FRYL: variants seen among roughly 807,000 people sequenced by gnomAD.
The protein encoded by FRYL is FRY like transcription coactivator, also known as protein furry homolog-like.
FRYL carries 150 observed loss-of-function variants against 351.2 expected under a neutral mutation model. The observed-to-expected ratio is 0.43, with a 90% CI of 0.37 to 0.49. The LOEUF (loss-of-function observed/expected upper bound fraction) is 0.49, where lower values mean the gene tolerates loss of function less well. Ranked by LOEUF, FRYL falls within the 20% of genes least tolerant of loss-of-function variation. The pLI is 0.00. For synonymous variants in FRYL, 1,153 were observed against 1,257.1 expected (o/e 0.92, Z 1.75); for missense variants, 3,036 against 3,619.3 (o/e 0.84, Z 4.13).
chr4:48,726,683 AAAACAAACAAAC>A (rs536966578), intron 1 of FRYL, among the ~76,000 whole-genome samples: 3 of 152,132 alleles, frequency 2.0e-5, no homozygotes, highest in African/African-American at 4.8e-5. Flanking sequence ...CTCCATCTCC[AAAACAAACAAAC>A]AAACAAACAA....
At chr4:48,646,895 G>C (rs780787017) in intron 3 of FRYL, among the ~76,000 whole-genome samples, 40 of 152,106 alleles carry the variant, frequency 2.6e-4, no homozygotes, top group Admixed American at 1.2e-3. Context: ...GGAGGTCCAG[G>C]AGAACAGCAG....
At chr4:48,705,814 T>A (rs1767277546) in intron 2 of FRYL, among the ~76,000 whole-genome samples, 1 of 152,088 alleles carries the variant, frequency 6.6e-6, no homozygotes, top group African/African-American at 2.4e-5. Context: ...TTCCTGGTAT[T>A]CACACCCTTA....
At chr4:48,592,771 T>C (rs907448431) in intron 16 of FRYL, among the ~76,000 whole-genome samples, 6 of 152,124 alleles carry the variant, frequency 3.9e-5, no homozygotes, top group African/African-American at 1.4e-4. Flanking sequence ...AACAATCATG[T>C]TTGCCCACTT....
At chr4:48,617,707 G>A (rs775907782) in intron 7 of FRYL, 12 of 152,272 alleles carry the variant, frequency 7.9e-5, no homozygotes, top group Non-Finnish European at 1.3e-4. Flanking sequence ...GGAAGAGATG[G>A]GAAAAATGCC....
At chr4:48,601,299 A>G (rs2149249096) in intron 13 of FRYL, among the ~76,000 whole-genome samples, 1 of 152,332 alleles carries the variant, frequency 6.6e-6, no homozygotes, top group Middle Eastern at 3.4e-3. Flanking sequence ...TCATCTAAGT[A>G]TATATCAAAA....
intron 1 of FRYL, among the ~76,000 whole-genome samples, chr4:48,770,307 A>AT (rs952322235): frequency 3.3e-5 from 5 of 152,168 alleles, no homozygotes; most frequent in African/African-American, 1.2e-4. Flanking sequence ...ATTCAATCAC[A>AT]TTTTTCTTAT....
intron 1 of FRYL, among the ~76,000 whole-genome samples, chr4:48,778,033 C>A (rs1776211090): frequency 6.6e-6 from 1 of 152,074 alleles, no homozygotes; most frequent in Admixed American, 6.5e-5. Flanking sequence ...ACCATCTCTA[C>A]AAAAAATAAA....
intron 6 of FRYL, among the ~76,000 whole-genome samples, chr4:48,619,952 T>A (rs1750318102): frequency 6.6e-6 from 1 of 152,246 alleles, no homozygotes; most frequent in African/African-American, 2.4e-5. Flanking sequence ...TATTTTAAAT[T>A]TCATTTAGAA....
chr4:48,742,940 G>A (rs909682297), intron 1 of FRYL, among the ~76,000 whole-genome samples: 2 of 148,092 alleles, frequency 1.4e-5, no homozygotes, highest in East Asian at 2.0e-4. Flanking sequence ...CCAAGTAGCT[G>A]GGATTACAGG....
chr4:48,695,227 T>C (rs560036472), intron 2 of FRYL, among the ~76,000 whole-genome samples: 1 of 152,140 alleles, frequency 6.6e-6, no homozygotes, highest in Non-Finnish European at 1.5e-5. Context: ...GCTGTAAGAG[T>C]TGCTCTGAGA....
chr4:48,651,337 G>A (rs1374596243), intron 3 of FRYL, among the ~76,000 whole-genome samples: 1 of 114,616 alleles, frequency 8.7e-6, no homozygotes, highest in Admixed American at 1.0e-4. Flanking sequence ...GTGTGTGTGT[G>A]TGTAGTGGTA....
intron 1 of FRYL, among the ~76,000 whole-genome samples, chr4:48,734,028 A>G (rs572536675): frequency 6.6e-6 from 1 of 152,312 alleles, no homozygotes; most frequent in African/African-American, 2.4e-5. Context: ...AATAGAAAAG[A>G]ATAACAAATA....
chr4:48,513,584 C>A (rs1346636454), intron 56 of FRYL, among the ~76,000 whole-genome samples: 1 of 152,170 alleles, frequency 6.6e-6, no homozygotes, highest in African/African-American at 2.4e-5. Context: ...TTTCGCATTA[C>A]AAGCTAGTTC....
intron 4 of FRYL, 49 bp from the exon 5 acceptor site, chr4:48,623,228 T>C (rs753338970): frequency 4.7e-6 from 5 of 1,064,640 alleles, no homozygotes; most frequent in Non-Finnish European, 6.7e-6. Flanking sequence ...AGCACAAATA[T>C]AAAACATTAG....
intron 61 of FRYL, 56 bp from the exon 62 acceptor site, chr4:48,501,789 T>C (rs1719729090): frequency 2.0e-6 from 2 of 1,019,204 alleles, no homozygotes; most frequent in East Asian, 2.4e-5. Context: ...ACAGCATATT[T>C]CCAATGGAAA....
At chr4:48,725,403 G>T (rs192111622) in intron 1 of FRYL, among the ~76,000 whole-genome samples, 1 of 152,260 alleles carries the variant, frequency 6.6e-6, no homozygotes, top group Non-Finnish European at 1.5e-5. Flanking sequence ...TACAGCCTGT[G>T]CTATTTATCA....
At chr4:48,681,119 A>G (rs1218404909) in intron 3 of FRYL, 1 of 1,242,196 alleles carries the variant, frequency 8.1e-7, no homozygotes. Flanking sequence ...CTCTTTAAAA[A>G]ATCCATTTTA....
intron 26 of FRYL, among the ~76,000 whole-genome samples, chr4:48,572,293 TAAC>T (rs1340054076): frequency 6.6e-6 from 1 of 152,204 alleles, no homozygotes; most frequent in Non-Finnish European, 1.5e-5. Flanking sequence ...GCTCCCCAGG[TAAC>T]TCTCAGATGC....
chr4:48,732,879 C>T (rs1770885705), intron 1 of FRYL, among the ~76,000 whole-genome samples: 1 of 145,088 alleles, frequency 6.9e-6, no homozygotes, highest in African/African-American at 2.6e-5. Flanking sequence ...ACCTATGAAA[C>T]AAAACTGCAC....
Sources: gnomAD v4.1 joint callset for allele counts (sites outside exome capture counted in the v4.1 genomes callset) on GRCh38, gnomAD v4.1.1 for gene constraint, MANE v1.5 for transcripts, NCBI Gene and HGNC (gene_info 2026-07-23, HGNC 2026-07-21) for gene names.